IL7R: variants seen among roughly 807,000 people sequenced by gnomAD.
The protein encoded by IL7R is interleukin 7 receptor, also known as interleukin-7 receptor subunit alpha.
Under a neutral mutation model 47.0 loss-of-function variants are expected in IL7R, and 38 were observed. The observed-to-expected ratio is 0.81, with a 90% CI of 0.62 to 1.06. The LOEUF (loss-of-function observed/expected upper bound fraction) is 1.06. Among genes scored for constraint, IL7R ranks in the 50% least tolerant of loss-of-function variants. IL7R has a pLI of 0.00. For missense variants in IL7R, 633 were observed against 534.8 expected (o/e 1.18, Z -1.81); for synonymous variants, 221 against 199.8 (o/e 1.11, Z -0.89).
chr5:35,879,336 T>G lies in IL7R; in HGVS notation c.*2850T>G, dbSNP rs1407083333. On this transcript the variant is annotated 3_prime_UTR_variant, in exon 8 of 8. Coordinates refer to ENST00000303115, the MANE Select transcript of IL7R (RefSeq NM_002185.5). ...CACACCTGCATTTTCTTAGCTCTTCTAGAGGGGCTAAGAGACTTGGTACGG... is the reference window on the plus strand; with the variant it reads ...CACACCTGCATTTTCTTAGCTCTTCGAGAGGGGCTAAGAGACTTGGTACGG... The G allele has an allele frequency of 4.3e-6, 1 of 232,588 alleles. No homozygotes were observed. The highest frequency in any genetic ancestry group is 8.5e-6 in the Non-Finnish European group (1 of 117,688). The allele number at this position is 232,588 out of a possible 1,614,324, so 14.4% of individuals were successfully genotyped here.
In IL7R at chr5:35,860,901, C is replaced by A. The variant is rs11567704; in HGVS notation, c.132C>A (p.Ser44Arg). Residue 44 changes from serine to arginine, a missense_variant, in exon 2 of 8, where the codon AGC (serine) becomes AGA (arginine). Ser to Arg is a moderately radical substitution (Grantham distance 110). Transcript: ENST00000303115. ...ATGACTACTCATTCTCATGCTATAG[C>A]CAGTTGGAAGTGAATGGATCGCAGC... ...ELDDYSFSCY[S>R]QLEVNGSQHS... 1.4e-5 allele frequency: 22 copies of A among 1,613,254 alleles called. No individual in the cohort carries two copies. Among genetic ancestry groups the A allele is most frequent in the Non-Finnish European group, 1.5e-5 (18 of 1,179,426 alleles).
intron 1 of IL7R, among the ~76,000 whole-genome samples, chr5:35,858,013 T>G (rs941861882): frequency 3.9e-5 from 6 of 152,182 alleles, no homozygotes; most frequent in African/African-American, 1.4e-4. Flanking sequence ...TCAGAGAGTT[T>G]GACATTTTTT....
At chr5:35,872,565 C>T (rs1760096737) in intron 4 of IL7R, among the ~76,000 whole-genome samples, 1 of 151,934 alleles carries the variant, frequency 6.6e-6, no homozygotes, top group South Asian at 2.1e-4. Context: ...CAACAAAATA[C>T]CAGATGATTT....
At chr5:35,860,767 T>C in intron 1 of IL7R, 85 bp from the exon 2 acceptor site, 3 of 1,283,936 alleles carry the variant, frequency 2.3e-6, no homozygotes, top group Non-Finnish European at 3.4e-6. Flanking sequence ...TGCCACAGAG[T>C]CTGCTATTTT....
Position 35,867,188 on chromosome 5 carries a change from C to T in IL7R, c.222-118C>T, listed in dbSNP as rs1036380596. Reference sequence around the variant, plus strand: ...TCCTGAACATGCCTCCACTCACCCACCCACATACCTATGAACAGAGTTAAA... The same window carrying T: ...TCCTGAACATGCCTCCACTCACCCATCCACATACCTATGAACAGAGTTAAA... On this transcript the variant is annotated intron_variant, in intron 2 of 7. Coordinates refer to ENST00000303115, the MANE Select transcript of IL7R (RefSeq NM_002185.5). The T allele has an allele frequency of 4.5e-6, 4 of 880,416 alleles. No individual in the cohort carries two copies. In the African/African-American group the frequency reaches 6.7e-5, roughly 15 times the overall value. 54.5% of individuals were successfully genotyped at this position (880,416 alleles called of 1,614,324 possible). A position where few individuals can be genotyped will look rare whatever the true frequency, so the allele number is the denominator to read the frequency against.
Position 35,873,544 on chromosome 5 carries a change from A to T in IL7R, c.602A>T (p.Tyr201Phe). ...AGAAAGCTCCAACCGGCAGCAATGT[A>T]TGAGATTAAAGTTCGATCCATCCCT... ...LQRKLQPAAM[Y>F]EIKVRSIPDH... is the part of the protein sequence containing the mutation. Residue 201 changes from tyrosine to phenylalanine, a missense_variant, in exon 5 of 8, where the codon TAT (tyrosine) becomes TTT (phenylalanine). Coordinates refer to ENST00000303115, the MANE Select transcript of IL7R (RefSeq NM_002185.5). 6.2e-7 allele frequency: 1 copy of T among 1,613,962 alleles called. No homozygotes were observed. The highest frequency in any genetic ancestry group is 8.5e-7 in the Non-Finnish European group (1 of 1,179,814).
In IL7R at chr5:35,871,061, C is replaced by A. The variant is rs756821231; in HGVS notation, c.385C>A (p.Pro129Thr). The change falls in exon 4 of 8, where the codon CCT becomes ACT. Residue 129 changes from proline to threonine, a missense_variant. Physicochemically the swap from Pro to Thr is conservative, Grantham distance 38. Transcript: ENST00000303115. ...TATTTCTTTTTCTTTTCCAGTTAAA[C>A]CTGAGGCTCCTTTTGACCTGAGTGT... Reference protein sequence around the residue: ...KKIDLTTIVKPEAPFDLSVVY... With the variant: ...KKIDLTTIVKTEAPFDLSVVY... The A allele has an allele frequency of 1.2e-6, 2 of 1,612,560 alleles. No individual in the cohort carries two copies. Among genetic ancestry groups the A allele is most frequent in the East Asian group, 2.2e-5 (1 of 44,882 alleles).
At chr5:35,864,465 A>T (rs1333935427) in intron 2 of IL7R, among the ~76,000 whole-genome samples, 1 of 152,172 alleles carries the variant, frequency 6.6e-6, no homozygotes, top group Non-Finnish European at 1.5e-5. Flanking sequence ...AGTTTTTCAA[A>T]GTGGTTATAC....
rs73750049 is a variant in IL7R, at chr5:35,863,163, C to A, written c.221+2173C>A. ...AACAATCGCACACTCTAAAAGATAG[C>A]AGTTAACAAAAGTAACGATTTGGGA... On this transcript the variant is annotated intron_variant, in intron 2 of 7. Transcript: ENST00000303115. 8.0e-3 allele frequency among the ~76,000 whole-genome samples: 1,212 copies of A among 152,206 alleles called. 10 individuals carry two copies. The highest frequency in any genetic ancestry group is 0.028 in the African/African-American group (1,165 of 41,556).
chr5:35,879,384 G>A lies in IL7R; in HGVS notation c.*2898G>A, dbSNP rs76863142. 8.7e-3 allele frequency: 2,033 copies of A among 232,882 alleles called. 33 individuals carry two copies. Among genetic ancestry groups the A allele is most frequent in the East Asian group, 0.057 (935 of 16,524 alleles). The allele number at this position is 232,882 out of a possible 1,614,324, so 14.4% of individuals were successfully genotyped here. On this transcript the variant is annotated 3_prime_UTR_variant, in exon 8 of 8. Transcript: ENST00000303115. ...CGGGCCAGGAAGAATATGTGGCAGA[G>A]CTCCTGGAAATGATGCAGATTAGGT... is the stretch of plus-strand genomic sequence containing the variant.
At position 35,875,399 on chromosome 5, in the gene IL7R, G is replaced by A. The variant is rs370389699; in HGVS notation, c.801-113G>A. ...CATGGTCACCCACCTAATTGTGTTA[G>A]AGCCAAGACTAGAAATCTGTTCTTC... On this transcript the variant is annotated intron_variant, in intron 6 of 7. Transcript: ENST00000303115. The A allele has an allele frequency of 7.5e-6, 6 of 802,544 alleles. No individual in the cohort carries two copies. In the African/African-American group the frequency reaches 1.0e-4, roughly 14 times the overall value. The allele number at this position is 802,544 out of a possible 1,614,324, so 49.7% of individuals were successfully genotyped here. A position where few individuals can be genotyped will look rare whatever the true frequency, so the allele number is the denominator to read the frequency against.
chr5:35,868,346 A>G (rs1039330422), intron 3 of IL7R, among the ~76,000 whole-genome samples: 1 of 152,240 alleles, frequency 6.6e-6, no homozygotes, highest in African/African-American at 2.4e-5. Flanking sequence ...CTCATTAGAG[A>G]TAAGAAAGAG....
In IL7R at chr5:35,876,358, C is replaced by G. The variant is rs199666194; in HGVS notation, c.1252C>G (p.Pro418Ala). The part of the protein sequence containing the change: ...LGTTNSTLPP[P>A]FSLQSGILTL... ...GACTACAAACAGCACGCTGCCCCCTCCATTTTCTCTCCAATCTGGAATCCT... is the reference window on the plus strand; with the variant it reads ...GACTACAAACAGCACGCTGCCCCCTGCATTTTCTCTCCAATCTGGAATCCT... The change falls in exon 8 of 8, where the codon CCA becomes GCA. Residue 418 changes from proline (P) to alanine (A), a missense_variant. Physicochemically the swap from Pro to Ala is conservative, Grantham distance 27 (BLOSUM62 -1). Coordinates refer to ENST00000303115, the MANE Select transcript of IL7R (RefSeq NM_002185.5). 31 of 1,613,266 alleles carry G rather than the reference C, an allele frequency of 1.9e-5. No individual in the cohort carries two copies. The highest frequency in any genetic ancestry group is 2.5e-5 in the Non-Finnish European group (29 of 1,179,536).
rs778728560 is a variant in IL7R at position 35,876,203 on chromosome 5, C to T, written c.1097C>T (p.Ser366Phe). The change falls in exon 8 of 8, where the codon TCC (serine) becomes TTC (phenylalanine). Residue 366 changes from serine (S) to phenylalanine (F), a missense_variant. Physicochemically the swap from Ser to Phe is radical, Grantham distance 155. Transcript: ENST00000303115. The part of the protein sequence containing the change: ...ITPESFGRDS[S>F]LTCLAGNVSA... ...CCAGAAAGCTTTGGAAGAGATTCAT[C>T]CCTCACATGCCTGGCTGGGAATGTC... 1.7e-5 allele frequency: 27 copies of T among 1,614,044 alleles called. No homozygotes were observed. Among genetic ancestry groups the T allele is most frequent in the African/African-American group, 2.7e-5 (2 of 74,916 alleles).
At position 35,879,103 on chromosome 5, in the gene IL7R, TC is replaced by T. The variant is rs1354705852; in HGVS notation, c.*2618del. ...TAGGAAAAAAAAATAAACCTCCTGA[TC>T]GGAGACAATGTATTAATCAGAAGTG... On this transcript the variant is annotated 3_prime_UTR_variant, in exon 8 of 8. Transcript: ENST00000303115. 4.3e-6 allele frequency: 1 copy of T among 232,828 alleles called. No homozygotes were observed. The highest frequency in any genetic ancestry group is 8.5e-6 in the Non-Finnish European group (1 of 117,886). 14.4% of individuals were successfully genotyped at this position (232,828 alleles called of 1,614,324 possible). A position where few individuals can be genotyped will look rare whatever the true frequency, so the allele number is the denominator to read the frequency against.
rs200061456 is a variant in IL7R, at chr5:35,876,188, T to C, written c.1082T>C (p.Phe361Ser). 6.8e-6 allele frequency: 11 copies of C among 1,614,122 alleles called. No individual in the cohort carries two copies. Among genetic ancestry groups the C allele is most frequent in the Middle Eastern group, 1.6e-4 (1 of 6,062 alleles). The change falls in exon 8 of 8, where the codon TTT becomes TCT. Residue 361 changes from phenylalanine (F) to serine (S), a missense_variant. Physicochemically the swap from Phe to Ser is radical, Grantham distance 155. Transcript: ENST00000303115. ...GATGTAGTCATCACTCCAGAAAGCTTTGGAAGAGATTCATCCCTCACATGC... is the reference window on the plus strand; with the variant it reads ...GATGTAGTCATCACTCCAGAAAGCTCTGGAAGAGATTCATCCCTCACATGC... ...SEDVVITPES[F>S]GRDSSLTCLA...
At chr5:35,858,649 CT>C (rs1193302172) in intron 1 of IL7R, among the ~76,000 whole-genome samples, 6 of 152,268 alleles carry the variant, frequency 3.9e-5, no homozygotes, top group Non-Finnish European at 7.4e-5. Context: ...TTGACATAAA[CT>C]TTTTAAAGAG....
chr5:35,873,970 T>A (rs1760141859), intron 5 of IL7R, among the ~76,000 whole-genome samples: 1 of 152,160 alleles, frequency 6.6e-6, no homozygotes, highest in Non-Finnish European at 1.5e-5. Context: ...ATGGCTGCTG[T>A]CTCTAAGGCC....
intron 1 of IL7R, 68 bp downstream of exon 1, chr5:35,857,127 C>A (rs906656862): frequency 2.1e-6 from 2 of 964,096 alleles, no homozygotes; most frequent in Non-Finnish European, 3.4e-6. Flanking sequence ...TTATTCAGTT[C>A]CCTAACAGAC....
Sources: allele counts gnomAD v4.1 joint callset (sites outside exome capture counted in the v4.1 genomes callset), GRCh38; gene constraint gnomAD v4.1.1; transcripts MANE v1.5; gene names NCBI Gene and HGNC (gene_info 2026-07-23, HGNC 2026-07-21).